DISC1: variants seen among roughly 807,000 people sequenced by gnomAD.
The protein encoded by DISC1 is disrupted in schizophrenia 1 protein.
DISC1 carries 57 observed loss-of-function variants against 84.5 expected under a neutral mutation model. The ratio of observed to expected loss-of-function variants is 0.67; its 90% CI spans 0.55 to 0.84. DISC1 has a LOEUF of 0.84. Among genes scored for constraint, DISC1 ranks in the 40% least tolerant of loss-of-function variants. DISC1 has a pLI of 0.00. For missense variants in DISC1, 1,000 were observed against 1,057.8 expected (o/e 0.95, Z 0.76); for synonymous variants, 411 against 415.2 (o/e 0.99, Z 0.12).
At chr1:231,983,578 G>A (rs1401554713) in intron 10 of DISC1, among the ~76,000 whole-genome samples, 4 of 117,480 alleles carry the variant, frequency 3.4e-5, no homozygotes, top group African/African-American at 1.3e-4. Flanking sequence ...TGGCAGGGAG[G>A]GAGGTAGTGG....
chr1:231,825,737 A>G (rs1224506576), intron 9 of DISC1, among the ~76,000 whole-genome samples: 1 of 151,796 alleles, frequency 6.6e-6, no homozygotes, highest in Non-Finnish European at 1.5e-5. Flanking sequence ...ACTTCAGCCT[A>G]ATGCTTTATG....
At chr1:231,957,410 T>C (rs1239546936) in intron 9 of DISC1, among the ~76,000 whole-genome samples, 1 of 152,198 alleles carries the variant, frequency 6.6e-6, no homozygotes, top group Non-Finnish European at 1.5e-5. Context: ...ATTACCACCT[T>C]CTAATGTTTT....
At chr1:231,906,370 A>G (rs191854014) in intron 9 of DISC1, among the ~76,000 whole-genome samples, 2 of 152,280 alleles carry the variant, frequency 1.3e-5, no homozygotes, top group Non-Finnish European at 2.9e-5. Context: ...CGTAAGTACA[A>G]TGCCTGATAT....
intron 2 of DISC1, among the ~76,000 whole-genome samples, chr1:231,701,704 G>A (rs1010175558): frequency 6.6e-6 from 1 of 152,030 alleles, no homozygotes; most frequent in African/African-American, 2.4e-5. Flanking sequence ...TGATGTTTTT[G>A]TTTAAAATAA....
intron 2 of DISC1, among the ~76,000 whole-genome samples, chr1:231,697,957 A>G (rs907537746): frequency 6.6e-6 from 1 of 152,136 alleles, no homozygotes. Context: ...AAGCTCCCTA[A>G]GCATAGTGCT....
chr1:231,878,239 C>T (rs1030434035), intron 9 of DISC1, among the ~76,000 whole-genome samples: 1 of 152,128 alleles, frequency 6.6e-6, no homozygotes, highest in African/African-American at 2.4e-5. Flanking sequence ...AAGACACAGA[C>T]AGGCAATTAT....
intron 10 of DISC1, among the ~76,000 whole-genome samples, chr1:231,963,564 A>C (rs1157426230): frequency 6.6e-6 from 1 of 151,006 alleles, no homozygotes; most frequent in Non-Finnish European, 1.5e-5. Context: ...TTCAGCCTTC[A>C]AGGTTTAGAT....
At position 231,760,666 on chromosome 1, in the gene DISC1, G is replaced by C. The variant is rs79458994; in HGVS notation, c.1269-6474G>C. Among the ~76,000 whole-genome samples the C allele has an allele frequency of 3.3e-5, 5 of 152,298 alleles. No individual in the cohort carries two copies. The East Asian group carries it at 7.7e-4, about 24-fold the overall frequency. ...TAGGGGTCTCAGAGAAGGACCTCCT[G>C]TGTTACATGTGAAGATGCGTAAACC... On this transcript the variant is annotated intron_variant, in intron 4 of 12. Coordinates refer to ENST00000439617, the MANE Select transcript of DISC1 (RefSeq NM_018662.3).
At chr1:231,823,553 T>C (rs1047534534) in intron 9 of DISC1, among the ~76,000 whole-genome samples, 7 of 152,198 alleles carry the variant, frequency 4.6e-5, no homozygotes, top group Admixed American at 1.3e-4. Flanking sequence ...GCTAAATTCT[T>C]CAAGACACTT....
intron 3 of DISC1, among the ~76,000 whole-genome samples, chr1:231,744,920 G>T (rs2125290891): frequency 6.6e-6 from 1 of 152,140 alleles, no homozygotes; most frequent in South Asian, 2.1e-4. Flanking sequence ...CCATGTAAAA[G>T]AAATGAAAAT....
chr1:231,890,548 G>T (rs1046269245), intron 9 of DISC1, among the ~76,000 whole-genome samples: 15 of 152,180 alleles, frequency 9.9e-5, no homozygotes, highest in Admixed American at 6.5e-4. Context: ...AAAGTAGAAT[G>T]CTTATTGCCA....
At chr1:231,677,840 A>G (rs113596835) in intron 1 of DISC1, among the ~76,000 whole-genome samples, 3,365 of 152,300 alleles carry the variant, frequency 0.022, 130 homozygotes, top group African/African-American at 0.077. Context: ...TTAGCCAGAC[A>G]TGGTGGCACA....
At chr1:231,899,621 GA>G (rs2087989630) in intron 9 of DISC1, among the ~76,000 whole-genome samples, 1 of 152,156 alleles carries the variant, frequency 6.6e-6, no homozygotes, top group South Asian at 2.1e-4. Context: ...ATCAAAGCCT[GA>G]AGTTTGATTT....
At chr1:231,876,660 C>T (rs1194743365) in intron 9 of DISC1, among the ~76,000 whole-genome samples, 2 of 152,166 alleles carry the variant, frequency 1.3e-5, no homozygotes, top group East Asian at 1.9e-4. Flanking sequence ...ACACTCCACA[C>T]GTTTTAGCAT....
At chr1:231,673,204 T>C (rs2062790410) in intron 1 of DISC1, among the ~76,000 whole-genome samples, 1 of 152,256 alleles carries the variant, frequency 6.6e-6, no homozygotes, top group Non-Finnish European at 1.5e-5. Flanking sequence ...CTCGCAGTTT[T>C]AGTGCTTTAT....
At chr1:231,696,034 C>G (rs1378740831) in intron 2 of DISC1, among the ~76,000 whole-genome samples, 1 of 152,118 alleles carries the variant, frequency 6.6e-6, no homozygotes, top group Non-Finnish European at 1.5e-5. Context: ...TGTCTTTCCC[C>G]GAAACCCGTT....
chr1:232,034,749 C>T (rs530771501), intron 12 of DISC1, among the ~76,000 whole-genome samples: 16 of 152,294 alleles, frequency 1.1e-4, no homozygotes, highest in Middle Eastern at 6.8e-3. Flanking sequence ...TCCATGCCTG[C>T]TCTTCACAGA....
chr1:231,891,269 T>G (rs2087190508), intron 9 of DISC1, among the ~76,000 whole-genome samples: 1 of 152,216 alleles, frequency 6.6e-6, no homozygotes, highest in Non-Finnish European at 1.5e-5. Flanking sequence ...TTTACGAATT[T>G]GTATTGGGCC....
At chr1:232,021,663 G>C (rs778827833) in intron 11 of DISC1, among the ~76,000 whole-genome samples, 1 of 152,168 alleles carries the variant, frequency 6.6e-6, no homozygotes, top group Non-Finnish European at 1.5e-5. Context: ...CCACTCATGC[G>C]AGGTTCTGTG....
Sources: allele counts gnomAD v4.1 joint callset (sites outside exome capture counted in the v4.1 genomes callset), GRCh38; gene constraint gnomAD v4.1.1; transcripts MANE v1.5; gene names NCBI Gene and HGNC (gene_info 2026-07-23, HGNC 2026-07-21).